The following LDB2 variants were observed in gnomAD, a reference collection of about 807,000 sequenced individuals.
LDB2 encodes LIM domain binding 2, also known as LIM domain-binding protein 2.
In LDB2, 12 loss-of-function variants were observed where a neutral mutation model predicts 44.3. The observed-to-expected ratio is 0.27, with a 90% CI of 0.17 to 0.44. The LOEUF is 0.44. LDB2 is among the 20% of genes least tolerant of loss of function. LDB2 has a pLI of 1.00. For synonymous variants in LDB2, 164 were observed against 174.8 expected (o/e 0.94, Z 0.49); for missense variants, 344 against 473.5 (o/e 0.73, Z 2.54).
chr4:16,762,409 A>C (rs144549982), intron 1 of LDB2, among the ~76,000 whole-genome samples: 1,882 of 152,314 alleles, frequency 0.012, 28 homozygotes, highest in South Asian at 0.074. Flanking sequence ...TCACACTGCT[A>C]TGAAGATATA....
chr4:16,667,258 T>C (rs1743525059), intron 2 of LDB2, among the ~76,000 whole-genome samples: 1 of 152,172 alleles, frequency 6.6e-6, no homozygotes. Context: ...ATGGGGTCTC[T>C]CAATGTTTCC....
At chr4:16,814,578 C>G (rs1330921496) in intron 1 of LDB2, among the ~76,000 whole-genome samples, 4 of 152,164 alleles carry the variant, frequency 2.6e-5, no homozygotes. Flanking sequence ...CTCAAGTTAA[C>G]AGGAGTCACA....
At chr4:16,618,459 A>G (rs1302576310) in intron 2 of LDB2, among the ~76,000 whole-genome samples, 1 of 152,132 alleles carries the variant, frequency 6.6e-6, no homozygotes, top group Non-Finnish European at 1.5e-5. Context: ...CCTTGTATAT[A>G]TGTATATATG....
intron 1 of LDB2, among the ~76,000 whole-genome samples, chr4:16,888,392 C>T (rs1722373731): frequency 1.3e-5 from 2 of 152,182 alleles, no homozygotes; most frequent in African/African-American, 2.4e-5. Context: ...ACTACTTAAC[C>T]ATAGGTATGC....
At chr4:16,742,079 T>TTTTC (rs1579247926) in intron 2 of LDB2, among the ~76,000 whole-genome samples, 1 of 134,410 alleles carries the variant, frequency 7.4e-6, no homozygotes, top group East Asian at 2.1e-4. Flanking sequence ...CTTTTCTTTT[T>TTTTC]TTTTTTTTTT....
intron 5 of LDB2, among the ~76,000 whole-genome samples, chr4:16,512,483 C>A (rs114553838): frequency 0.011 from 1,650 of 152,002 alleles, 30 homozygotes; most frequent in African/African-American, 0.038. Context: ...ACAAAAAAAA[C>A]CCCTCTTCTT....
chr4:16,696,349 A>G (rs1226130868), intron 2 of LDB2, among the ~76,000 whole-genome samples: 1 of 152,238 alleles, frequency 6.6e-6, no homozygotes, highest in Non-Finnish European at 1.5e-5. Context: ...AACTGCGAGT[A>G]GACAATTTTT....
intron 1 of LDB2, among the ~76,000 whole-genome samples, chr4:16,886,925 C>A (rs757802546): frequency 5.4e-5 from 8 of 148,150 alleles, no homozygotes; most frequent in African/African-American, 2.0e-4. Context: ...CCCAGCTACT[C>A]GTGAGGCTGA....
At chr4:16,878,940 G>A (rs1344337498) in intron 1 of LDB2, among the ~76,000 whole-genome samples, 1 of 152,172 alleles carries the variant, frequency 6.6e-6, no homozygotes, top group African/African-American at 2.4e-5. Flanking sequence ...AAACATGCTT[G>A]ATTCCTCTAG....
rs187748372 is a variant in LDB2 at position 16,836,812 on chromosome 4, A to C, written c.132+61542T>G. 1.1e-3 allele frequency among the ~76,000 whole-genome samples: 165 copies of C among 152,342 alleles called. 1 individual carries two copies. Among genetic ancestry groups the C allele is most frequent in the Middle Eastern group, 0.01 (3 of 294 alleles). ...AGGTCACTGAGGCTCATAAAATTTA[A>C]ATAATCACACACTAAAAGTGGCATT... On this transcript the variant is annotated intron_variant, in intron 1 of 7. Coordinates refer to ENST00000304523, the MANE Select transcript of LDB2 (RefSeq NM_001290.5).
intron 2 of LDB2, among the ~76,000 whole-genome samples, chr4:16,747,763 C>G (rs1040580180): frequency 1.3e-5 from 2 of 151,986 alleles, no homozygotes; most frequent in African/African-American, 4.8e-5. Flanking sequence ...TGATTTTTAT[C>G]TGGAATATCG....
intron 1 of LDB2, among the ~76,000 whole-genome samples, chr4:16,836,145 G>A (rs1385332079): frequency 1.3e-5 from 2 of 152,228 alleles, no homozygotes; most frequent in African/African-American, 4.8e-5. Context: ...CAAAGATAAT[G>A]ACTGTATGTA....
chr4:16,653,876 A>G (rs1738989798), intron 2 of LDB2: 1 of 152,138 alleles, frequency 6.6e-6, no homozygotes, highest in Non-Finnish European at 1.5e-5. Flanking sequence ...AGGAGCCCAG[A>G]TGTGATTATA....
intron 5 of LDB2, among the ~76,000 whole-genome samples, chr4:16,548,394 C>G (rs558442719): frequency 6.3e-4 from 96 of 152,314 alleles, no homozygotes; most frequent in African/African-American, 2.1e-3. Context: ...CTCATTCTTT[C>G]TCCTCCTCCC....
intron 2 of LDB2, among the ~76,000 whole-genome samples, chr4:16,664,039 G>A (rs1352199931): frequency 5.9e-5 from 9 of 151,696 alleles, no homozygotes; most frequent in Non-Finnish European, 1.0e-4. Context: ...AAGAGAGAGA[G>A]AAAAAAAGGG....
intron 1 of LDB2, among the ~76,000 whole-genome samples, chr4:16,813,468 A>C (rs1337280046): frequency 6.6e-6 from 1 of 152,156 alleles, no homozygotes; most frequent in Non-Finnish European, 1.5e-5. Flanking sequence ...AAATGAGAGA[A>C]AGTCACCTTT....
chr4:16,724,365 GA>G (rs1421570903), intron 2 of LDB2, among the ~76,000 whole-genome samples: 2 of 151,184 alleles, frequency 1.3e-5, no homozygotes, highest in African/African-American at 4.9e-5. Context: ...TGGGTACAGG[GA>G]AAATCACCTT....
At chr4:16,554,778 G>A (rs1738914680) in intron 5 of LDB2, among the ~76,000 whole-genome samples, 2 of 152,218 alleles carry the variant, frequency 1.3e-5, no homozygotes, top group Non-Finnish European at 2.9e-5. Flanking sequence ...AGAGACGGAT[G>A]AACAGGCAGA....
intron 2 of LDB2, among the ~76,000 whole-genome samples, chr4:16,716,349 G>A (rs1281443939): frequency 3.3e-5 from 5 of 152,132 alleles, no homozygotes; most frequent in African/African-American, 4.8e-5. Context: ...CCGCATTCAC[G>A]GAATAATACA....
Sources: allele counts gnomAD v4.1 joint callset (sites outside exome capture counted in the v4.1 genomes callset), GRCh38; gene constraint gnomAD v4.1.1; transcripts MANE v1.5; gene names NCBI Gene and HGNC (gene_info 2026-07-23, HGNC 2026-07-21).